The following ROBO2 variants were observed in gnomAD, a reference collection of about 807,000 sequenced individuals.
ROBO2 encodes the protein roundabout guidance receptor 2, also known as roundabout homolog 2.
In ROBO2, 53 loss-of-function variants were observed where a neutral mutation model predicts 160.8. The observed-to-expected ratio is 0.33, with a 90% confidence interval of 0.26 to 0.41. ROBO2 has a LOEUF of 0.41. Among genes scored for constraint, ROBO2 ranks in the 10% least tolerant of loss-of-function variants. ROBO2 has a pLI of 1.00. For missense variants in ROBO2, 1,577 were observed against 1,722.4 expected (o/e 0.92, Z 1.49); for synonymous variants, 664 against 611.7 (o/e 1.09, Z -1.26).
At chr3:76,245,684 A>G (rs1705574783) in intron 2 of ROBO2, among the ~76,000 whole-genome samples, 1 of 152,126 alleles carries the variant, frequency 6.6e-6, no homozygotes, top group Non-Finnish European at 1.5e-5. Context: ...GGGCTTGGGA[A>G]TTCTTGCTAA....
chr3:76,296,234 G>A (rs958973191), intron 2 of ROBO2, among the ~76,000 whole-genome samples: 1 of 152,028 alleles, frequency 6.6e-6, no homozygotes, highest in Non-Finnish European at 1.5e-5. Context: ...GAAGTAGAAA[G>A]GATTCCCTCC....
chr3:76,069,820 C>T (rs990576821), intron 2 of ROBO2, among the ~76,000 whole-genome samples: 16 of 152,032 alleles, frequency 1.1e-4, no homozygotes, highest in South Asian at 2.1e-4. Flanking sequence ...ACGAAGGGAC[C>T]GGCTGAAGCC....
At chr3:77,252,831 A>AAAAAAAAAAATATATATATATAT in intron 2 of ROBO2, among the ~76,000 whole-genome samples, 1 of 12,524 alleles carries the variant, frequency 8.0e-5, no homozygotes, top group African/African-American at 1.6e-4. Context: ...AAAAAAAAAA[A>AAAAAAAAAAATATATATATATAT]ATATATATAT....
At chr3:76,179,367 ACCTACCTCTTC>A (rs1294468663) in intron 2 of ROBO2, among the ~76,000 whole-genome samples, 8 of 152,136 alleles carry the variant, frequency 5.3e-5, no homozygotes, top group Non-Finnish European at 1.2e-4. Flanking sequence ...CCCACTGCAA[ACCTACCTCTTC>A]CCCAGTGTTC....
intron 2 of ROBO2, among the ~76,000 whole-genome samples, chr3:76,692,741 C>T (rs2092828805): frequency 6.6e-6 from 1 of 151,858 alleles, no homozygotes; most frequent in Non-Finnish European, 1.5e-5. Context: ...GAGTAGAAAC[C>T]ATGAAAATTT....
chr3:76,921,321 C>A (rs2076645959), intron 2 of ROBO2, among the ~76,000 whole-genome samples: 1 of 152,048 alleles, frequency 6.6e-6, no homozygotes, highest in Non-Finnish European at 1.5e-5. Context: ...TATAAGGTAT[C>A]TAATTTTTGG....
chr3:77,295,607 C>T (rs139494141), intron 2 of ROBO2, among the ~76,000 whole-genome samples: 2 of 56,706 alleles, frequency 3.5e-5, no homozygotes, highest in South Asian at 6.0e-4. Context: ...GATCACCCCA[C>T]ACATAAAGTA....
chr3:76,640,348 C>T (rs371203694), intron 2 of ROBO2, among the ~76,000 whole-genome samples: 9 of 151,948 alleles, frequency 5.9e-5, no homozygotes, highest in East Asian at 1.9e-4. Flanking sequence ...CTGACCCACA[C>T]GGTGAAACCT....
intron 23 of ROBO2, chr3:77,632,505 T>G: frequency 6.5e-7 from 1 of 1,535,064 alleles, no homozygotes; most frequent in Non-Finnish European, 8.7e-7. Context: ...GCTCTGCATC[T>G]GATGAGGATC....
At chr3:77,033,636 T>C (rs529888083) in intron 2 of ROBO2, among the ~76,000 whole-genome samples, 1 of 152,242 alleles carries the variant, frequency 6.6e-6, no homozygotes, top group African/African-American at 2.4e-5. Flanking sequence ...ATAATTTCCA[T>C]TGACATTGTC....
At chr3:76,170,960 T>C (rs948322862) in intron 2 of ROBO2, among the ~76,000 whole-genome samples, 1 of 152,192 alleles carries the variant, frequency 6.6e-6, no homozygotes, top group South Asian at 2.1e-4. Context: ...ACTGCTGATA[T>C]GTGCTATATG....
At chr3:76,026,028 A>G (rs912161406) in intron 2 of ROBO2, among the ~76,000 whole-genome samples, 1 of 151,946 alleles carries the variant, frequency 6.6e-6, no homozygotes, top group Non-Finnish European at 1.5e-5. Context: ...ACTGTTGCAT[A>G]TACTTGGCTG....
chr3:76,568,881 A>G (rs570721457), intron 2 of ROBO2, among the ~76,000 whole-genome samples: 32 of 152,340 alleles, frequency 2.1e-4, no homozygotes, highest in African/African-American at 7.5e-4. Context: ...TGATGTAAAT[A>G]TATTTTAGAA....
chr3:75,972,831 A>G (rs2065034329), intron 2 of ROBO2, among the ~76,000 whole-genome samples: 1 of 151,528 alleles, frequency 6.6e-6, no homozygotes, highest in African/African-American at 2.4e-5. Flanking sequence ...CAAACAACCT[A>G]AGTCCCTCTA....
At chr3:76,502,913 C>A (rs1384896455) in intron 2 of ROBO2, among the ~76,000 whole-genome samples, 1 of 151,992 alleles carries the variant, frequency 6.6e-6, no homozygotes, top group Non-Finnish European at 1.5e-5. Context: ...ATCTAAAAGT[C>A]TCATTAAAAA....
chr3:77,234,799 T>C (rs1213685003), intron 2 of ROBO2, among the ~76,000 whole-genome samples: 1 of 152,144 alleles, frequency 6.6e-6, no homozygotes, highest in Non-Finnish European at 1.5e-5. Context: ...AAAATTCAAA[T>C]AGTGTCTGTT....
At chr3:76,258,563 A>G (rs1706545254) in intron 2 of ROBO2, among the ~76,000 whole-genome samples, 1 of 152,026 alleles carries the variant, frequency 6.6e-6, no homozygotes, top group South Asian at 2.1e-4. Flanking sequence ...ATCTGTGGTT[A>G]TTCATAATGT....
Position 75,960,518 on chromosome 3 carries a change from A to G in ROBO2, c.109+22916A>G, listed in dbSNP as rs1948872982. ...GATTATAGGGGTGGTTTCATTATAT[A>G]TATAACTTCTAATATTTTATCGGTT... On this transcript the variant is annotated intron_variant, in intron 2 of 26. Coordinates refer to the ROBO2 transcript ENST00000487694. Among the ~76,000 whole-genome samples the G allele has an allele frequency of 2.0e-5, 3 of 151,920 alleles. No homozygotes were observed. In the South Asian group the frequency reaches 6.2e-4, roughly 31 times the overall value.
intron 2 of ROBO2, among the ~76,000 whole-genome samples, chr3:76,423,722 A>G (rs2076091840): frequency 2.0e-5 from 3 of 152,198 alleles, no homozygotes; most frequent in Admixed American, 6.6e-5. Context: ...AAGTGAAGAT[A>G]AAGGTAAAAG....
Sources: allele counts gnomAD v4.1 joint callset (sites outside exome capture counted in the v4.1 genomes callset), GRCh38; gene constraint gnomAD v4.1.1; transcripts MANE v1.5; gene names NCBI Gene and HGNC (gene_info 2026-07-23, HGNC 2026-07-21).